Variants in LAMC3 observed in about 807,000 individuals in gnomAD.
LAMC3 encodes laminin subunit gamma-3.
LAMC3 carries 128 observed loss-of-function variants against 173.8 expected under a neutral mutation model. That is an observed-to-expected ratio of 0.74 (90% CI 0.64 to 0.85). LAMC3 has a LOEUF of 0.85. Ranked by LOEUF, LAMC3 falls within the 40% of genes least tolerant of loss-of-function variation. LAMC3 has a pLI of 0.00. For synonymous variants in LAMC3, 897 were observed against 909.1 expected (o/e 0.99, Z 0.24); for missense variants, 2,022 against 2,156.0 (o/e 0.94, Z 1.23).
At chr9:131,082,608 G>T (rs751747016) in intron 24 of LAMC3, among the ~76,000 whole-genome samples, 1 of 152,194 alleles carries the variant, frequency 6.6e-6, no homozygotes, top group Non-Finnish European at 1.5e-5. Flanking sequence ...TTTGCAGATG[G>T]GTAGGCTGAG....
Position 131,069,844 on chromosome 9 carries a change from G to A in LAMC3, c.3063G>A (p.Lys1021=). The A allele has an allele frequency of 6.3e-7, 1 of 1,587,848 alleles. No homozygotes were observed. Among genetic ancestry groups the A allele is most frequent in the Non-Finnish European group, 8.6e-7 (1 of 1,166,722 alleles). The change falls in exon 17 of 28, where the codon AAG becomes AAA. Residue 1021 remains lysine, a synonymous_variant. Coordinates refer to ENST00000361069, the MANE Select transcript of LAMC3 (RefSeq NM_006059.4). ...GTCCGTCCTGCTACGCCCTGGTGAA[G>A]GAGGAGGTGAGTCGGCCCAGACCCA... ...QQCPSCYALV[K]EEAAKLKARL... is the part of the protein sequence containing the mutation.
At chr9:131,033,403 G>A (rs910524957) in intron 3 of LAMC3, among the ~76,000 whole-genome samples, 7 of 152,210 alleles carry the variant, frequency 4.6e-5, no homozygotes, top group Non-Finnish European at 7.3e-5. Context: ...AAGGGAGAGC[G>A]TGTGCCTGGG....
chr9:131,056,341 A>G (rs779633809), intron 11 of LAMC3, among the ~76,000 whole-genome samples: 14 of 152,192 alleles, frequency 9.2e-5, no homozygotes, highest in Non-Finnish European at 1.9e-4. Context: ...ATAAAATGTT[A>G]CCAGTCTGAG....
intron 2 of LAMC3, 39 bp from the exon 3 acceptor site, chr9:131,032,006 C>T (rs769231353): frequency 6.8e-6 from 11 of 1,613,918 alleles, no homozygotes; most frequent in African/African-American, 1.3e-5. Context: ...ACTAAATACT[C>T]AGGAACCTGC....
chr9:131,047,629 G>C (rs910449208), intron 8 of LAMC3, among the ~76,000 whole-genome samples: 1 of 151,488 alleles, frequency 6.6e-6, no homozygotes, highest in Non-Finnish European at 1.5e-5. Flanking sequence ...GGGTGGGGGT[G>C]GGGGGAGCGG....
rs12005317 is a variant in LAMC3, at chr9:131,041,810, A to C, written c.1382+75A>C. 4.5e-3 allele frequency: 6,061 copies of C among 1,335,734 alleles called. 218 individuals are homozygous for C. In the African/African-American group the frequency reaches 0.076, roughly 17 times the overall value. The allele number at this position is 1,335,734 out of a possible 1,614,324, so 82.7% of individuals were successfully genotyped here. On this transcript the variant is annotated intron_variant, in intron 7 of 27. Transcript: ENST00000361069. ...CACTGATGAGGCACCAAAGCTGTGG[A>C]GTGCGGGGAGGAGCAAGGGGCACGG...
At chr9:131,039,549 T>TG (rs1366149143) in intron 6 of LAMC3, among the ~76,000 whole-genome samples, 1 of 141,094 alleles carries the variant, frequency 7.1e-6, no homozygotes, top group Admixed American at 7.1e-5. Flanking sequence ...TGAGGTGGGG[T>TG]GGGGGGCACG....
intron 20 of LAMC3, among the ~76,000 whole-genome samples, chr9:131,075,262 C>A (rs2133331658): frequency 6.6e-6 from 1 of 150,596 alleles, no homozygotes; most frequent in South Asian, 2.1e-4. Flanking sequence ...TGTAAGACTC[C>A]ATCTCTTAAA....
At chr9:131,039,342 C>T in intron 6 of LAMC3, 94 bp downstream of exon 6, 2 of 1,035,826 alleles carry the variant, frequency 1.9e-6, no homozygotes, top group Non-Finnish European at 3.0e-6. Context: ...CTCCCCATCC[C>T]TTCCTGTCTG....
At chr9:131,041,092 C>T (rs1834045042) in intron 6 of LAMC3, among the ~76,000 whole-genome samples, 1 of 152,032 alleles carries the variant, frequency 6.6e-6, no homozygotes, top group African/African-American at 2.4e-5. Context: ...GGAGGCCGAG[C>T]ACGGTGGCTC....
intron 1 of LAMC3, among the ~76,000 whole-genome samples, chr9:131,010,733 C>T (rs1230240424): frequency 6.6e-6 from 1 of 152,362 alleles, no homozygotes; most frequent in East Asian, 1.9e-4. Context: ...CAGCTGCGCC[C>T]GGTGGCATGG....
chr9:131,085,416 C>T (rs952598978), intron 24 of LAMC3, 108 bp from the exon 25 acceptor site: 12 of 1,102,838 alleles, frequency 1.1e-5, no homozygotes, highest in Admixed American at 5.2e-5. Flanking sequence ...GACCTCCACT[C>T]GTTGTCCAAG....
intron 12 of LAMC3, among the ~76,000 whole-genome samples, chr9:131,058,875 CAA>C (rs1829744865): frequency 7.6e-6 from 1 of 131,318 alleles, no homozygotes; most frequent in East Asian, 2.2e-4. Context: ...GCCTGGGTGA[CAA>C]GAGCAAGACT....
At chr9:131,032,898 C>T (rs1833869974) in intron 3 of LAMC3, among the ~76,000 whole-genome samples, 1 of 152,208 alleles carries the variant, frequency 6.6e-6, no homozygotes. Context: ...GAACTCCCAG[C>T]CTCAGGTGAT....
Position 131,071,618 on chromosome 9 carries a change from G to C in LAMC3, c.3204G>C (p.Leu1068=). The change falls in exon 18 of 28, where the codon CTG becomes CTC. Residue 1068 remains leucine (L), a synonymous_variant. Transcript: ENST00000361069. ...PRGDVYQGHH[L]LPGAREAFLE... ...GGGACGTCTACCAGGGCCATCACCT[G>C]CTTCCAGGTACAGCAGGAGCGCAGA... 1 of 1,586,386 alleles carries C rather than the reference G, an allele frequency of 6.3e-7. No homozygotes were observed. Among genetic ancestry groups the C allele is most frequent in the Non-Finnish European group, 8.6e-7 (1 of 1,163,144 alleles).
At chr9:131,033,638 C>T (rs557593342) in intron 3 of LAMC3, among the ~76,000 whole-genome samples, 21 of 152,164 alleles carry the variant, frequency 1.4e-4, no homozygotes, top group African/African-American at 5.1e-4. Context: ...TTTAAAACAC[C>T]CCCAAACCCC....
intron 11 of LAMC3, 68 bp downstream of exon 11, chr9:131,053,033 G>C: frequency 8.5e-7 from 1 of 1,174,894 alleles, no homozygotes; most frequent in East Asian, 2.4e-5. Flanking sequence ...GCTGGGCTCC[G>C]GCGGTCACAG....
intron 13 of LAMC3, among the ~76,000 whole-genome samples, chr9:131,061,976 G>A (rs531527872): frequency 4.5e-4 from 69 of 152,046 alleles, no homozygotes; most frequent in Non-Finnish European, 8.8e-4. Context: ...GTTTGAGCCC[G>A]GGAGGCGGAG....
intron 11 of LAMC3, among the ~76,000 whole-genome samples, chr9:131,054,115 C>T (rs903700541): frequency 3.9e-5 from 6 of 152,272 alleles, no homozygotes; most frequent in South Asian, 2.1e-4. Context: ...TCCAGCACCA[C>T]GCAGGACATT....
Sources: gnomAD v4.1 joint callset for allele counts (sites outside exome capture counted in the v4.1 genomes callset) on GRCh38, gnomAD v4.1.1 for gene constraint, MANE v1.5 for transcripts, NCBI Gene and HGNC (gene_info 2026-07-23, HGNC 2026-07-21) for gene names.